The following DLGAP2 variants were observed in gnomAD, a reference collection of about 807,000 sequenced individuals.
The protein encoded by DLGAP2 is disks large-associated protein 2.
DLGAP2 carries 26 observed loss-of-function variants against 100.3 expected under a neutral mutation model. The ratio of observed to expected loss-of-function variants is 0.26; its 90% CI spans 0.19 to 0.36. The LOEUF (loss-of-function observed/expected upper bound fraction) is 0.36, where lower values mean the gene tolerates loss of function less well. DLGAP2 is among the 10% of genes least tolerant of loss of function. The pLI is 1.00. For synonymous variants in DLGAP2, 886 were observed against 630.1 expected, an observed-to-expected ratio of 1.41 and a Z score of -6.08; for missense variants, 1,858 against 1,453.2, an observed-to-expected ratio of 1.28 and a Z score of -4.53.
intron 4 of DLGAP2, among the ~76,000 whole-genome samples, chr8:1,529,044 G>A (rs551601863): frequency 2.0e-5 from 3 of 151,094 alleles, no homozygotes; most frequent in African/African-American, 7.3e-5. Flanking sequence ...TTAGTCTGTT[G>A]TCCTACTGCT....
At chr8:1,470,477 G>T (rs1179585406) in intron 3 of DLGAP2, among the ~76,000 whole-genome samples, 1 of 152,060 alleles carries the variant, frequency 6.6e-6, no homozygotes. Context: ...CCCGCCACCT[G>T]CTCTCTTCTG....
chr8:870,937 T>C (rs1165487537), intron 1 of DLGAP2, among the ~76,000 whole-genome samples: 1 of 152,202 alleles, frequency 6.6e-6, no homozygotes, highest in Non-Finnish European at 1.5e-5. Flanking sequence ...GTCATTCCCC[T>C]AATTCCAAAA....
At chr8:1,327,514 G>A (rs1389504396) in intron 3 of DLGAP2, among the ~76,000 whole-genome samples, 1 of 152,172 alleles carries the variant, frequency 6.6e-6, no homozygotes, top group African/African-American at 2.4e-5. Context: ...AGTTGAACTT[G>A]ACCTTTTTAA....
chr8:997,968 C>T (rs1027471316), intron 2 of DLGAP2, among the ~76,000 whole-genome samples: 1 of 151,672 alleles, frequency 6.6e-6, no homozygotes, highest in Non-Finnish European at 1.5e-5. Flanking sequence ...TGCATACACG[C>T]ATGCATGTAC....
chr8:1,326,910 A>T (rs1161071575), intron 3 of DLGAP2, among the ~76,000 whole-genome samples: 1 of 152,204 alleles, frequency 6.6e-6, no homozygotes, highest in Non-Finnish European at 1.5e-5. Flanking sequence ...AGAAGAGAAA[A>T]AGTGGAAAAA....
At chr8:1,606,555 C>T (rs1485988062) in intron 6 of DLGAP2, among the ~76,000 whole-genome samples, 1 of 152,166 alleles carries the variant, frequency 6.6e-6, no homozygotes, top group African/African-American at 2.4e-5. Flanking sequence ...GTCAGAACTG[C>T]AATTCTTTTT....
intron 2 of DLGAP2, among the ~76,000 whole-genome samples, chr8:1,069,252 G>T (rs1305537654): frequency 1.7e-4 from 26 of 152,208 alleles, no homozygotes; most frequent in Non-Finnish European, 2.9e-5. Flanking sequence ...GGAAGTGGGA[G>T]AGGTGGTGGG....
rs116635023 is a variant in DLGAP2 at position 1,456,337 on chromosome 8, C to G, written c.107-45029C>G. Among the ~76,000 whole-genome samples the G allele has an allele frequency of 1.3e-3, 200 of 152,316 alleles. 1 individual carries two copies. The highest frequency in any genetic ancestry group is 4.6e-3 in the African/African-American group (190 of 41,564). On this transcript the variant is annotated intron_variant, in intron 3 of 14. Transcript: ENST00000637795. ...TGCCACCCTGTACGTATTCATCACGCCCTTTAAATATGACCGAAATTCTGT... is the reference window on the plus strand; with the variant it reads ...TGCCACCCTGTACGTATTCATCACGGCCTTTAAATATGACCGAAATTCTGT...
At chr8:1,663,618 C>G (rs1337798333) in intron 8 of DLGAP2, among the ~76,000 whole-genome samples, 2 of 152,234 alleles carry the variant, frequency 1.3e-5, no homozygotes, top group African/African-American at 4.8e-5. Context: ...GAGAAGCCCC[C>G]CTTTCCCTTG....
At chr8:1,494,933 C>G (rs577532831) in intron 3 of DLGAP2, among the ~76,000 whole-genome samples, 1 of 152,300 alleles carries the variant, frequency 6.6e-6, no homozygotes, top group African/African-American at 2.4e-5. Context: ...TAGAGATGAT[C>G]ACTCCTGGCG....
intron 3 of DLGAP2, among the ~76,000 whole-genome samples, chr8:1,367,333 C>G (rs1300425138): frequency 3.3e-5 from 5 of 152,228 alleles, no homozygotes; most frequent in Non-Finnish European, 5.9e-5. Context: ...TTGGATTCTC[C>G]TTTTCATCTC....
At chr8:1,110,564 C>T (rs544038987) in intron 2 of DLGAP2, among the ~76,000 whole-genome samples, 1 of 150,390 alleles carries the variant, frequency 6.6e-6, no homozygotes, top group Admixed American at 6.6e-5. Context: ...TGTGCACGTG[C>T]CTGTGAAGTG....
At chr8:1,155,678 G>A (rs182264781) in intron 2 of DLGAP2, among the ~76,000 whole-genome samples, 1 of 149,850 alleles carries the variant, frequency 6.7e-6, no homozygotes, top group African/African-American at 2.5e-5. Flanking sequence ...CCCCTCCGAG[G>A]CCCCCAGGCC....
chr8:855,526 C>T (rs1797260894), intron 1 of DLGAP2, among the ~76,000 whole-genome samples: 1 of 152,118 alleles, frequency 6.6e-6, no homozygotes. Context: ...TTTAACAGCA[C>T]CACGTGTCAC....
chr8:1,626,958 G>A (rs1001748749), intron 7 of DLGAP2, 71 bp downstream of exon 7: 33 of 1,511,096 alleles, frequency 2.2e-5, no homozygotes, highest in African/African-American at 6.9e-5. Context: ...GGCCCCGGCC[G>A]CATAGGTGGC....
At chr8:1,268,778 C>T (rs547970616) in intron 3 of DLGAP2, among the ~76,000 whole-genome samples, 1 of 152,338 alleles carries the variant, frequency 6.6e-6, no homozygotes, top group East Asian at 1.9e-4. Flanking sequence ...TTATGCACCT[C>T]ATGTTGCACA....
intron 2 of DLGAP2, among the ~76,000 whole-genome samples, chr8:1,013,291 G>A (rs1170967689): frequency 1.3e-5 from 2 of 152,174 alleles, no homozygotes; most frequent in African/African-American, 4.8e-5. Flanking sequence ...CCCTGTGCAG[G>A]ATACAGTAGA....
At chr8:885,937 C>G (rs1189266738) in intron 1 of DLGAP2, among the ~76,000 whole-genome samples, 2 of 152,286 alleles carry the variant, frequency 1.3e-5, no homozygotes, top group Non-Finnish European at 2.9e-5. Context: ...GGAGGAGTCC[C>G]TCCTTTTCAA....
intron 2 of DLGAP2, among the ~76,000 whole-genome samples, chr8:1,179,776 T>C (rs1315813391): frequency 6.6e-6 from 1 of 152,178 alleles, no homozygotes; most frequent in Non-Finnish European, 1.5e-5. Flanking sequence ...AATTTTGAAC[T>C]AGAGAATAAA....
Sources: allele counts gnomAD v4.1 joint callset (sites outside exome capture counted in the v4.1 genomes callset), GRCh38; gene constraint gnomAD v4.1.1; transcripts MANE v1.5; gene names NCBI Gene and HGNC (gene_info 2026-07-23, HGNC 2026-07-21).